AAK1: variants seen among roughly 807,000 people sequenced by gnomAD.
The protein encoded by AAK1 is AP2-associated protein kinase 1.
AAK1 carries 37 observed loss-of-function variants against 116.0 expected under a neutral mutation model. That is an observed-to-expected ratio of 0.32 (90% confidence interval 0.25 to 0.42). The LOEUF is 0.42. Among genes scored for constraint, AAK1 ranks in the 10% least tolerant of loss-of-function variants. AAK1 has a pLI of 1.00. For missense variants in AAK1, 919 were observed against 1,170.6 expected (o/e 0.79, Z 3.14); for synonymous variants, 458 against 439.9 (o/e 1.04, Z -0.51).
intron 16 of AAK1, among the ~76,000 whole-genome samples, chr2:69,502,245 A>G (rs948287388): frequency 6.6e-6 from 1 of 152,244 alleles, no homozygotes; most frequent in Admixed American, 6.5e-5. Flanking sequence ...AATATGTGAC[A>G]TATGAAGAAT....
At chr2:69,621,635 G>A (rs1454173966) in intron 2 of AAK1, among the ~76,000 whole-genome samples, 2 of 152,156 alleles carry the variant, frequency 1.3e-5, no homozygotes, top group East Asian at 3.9e-4. Context: ...GTTTTGGGGT[G>A]GTTTGTTATA....
chr2:69,479,647 C>A (rs1318806537), intron 19 of AAK1, among the ~76,000 whole-genome samples: 1 of 152,188 alleles, frequency 6.6e-6, no homozygotes, highest in Admixed American at 6.5e-5. Flanking sequence ...ACAGTACCTT[C>A]TAGAACTCAA....
At chr2:69,641,511 G>A (rs903062638) in intron 2 of AAK1, among the ~76,000 whole-genome samples, 4 of 152,186 alleles carry the variant, frequency 2.6e-5, no homozygotes, top group African/African-American at 9.7e-5. Context: ...TACTGAGATT[G>A]GAAGAGCAAT....
chr2:69,572,957 G>C (rs558729543), intron 2 of AAK1, among the ~76,000 whole-genome samples: 1 of 152,314 alleles, frequency 6.6e-6, no homozygotes, highest in Non-Finnish European at 1.5e-5. Flanking sequence ...GTAAGCTCCA[G>C]GGATGGCCGA....
At position 69,474,645 on chromosome 2, in the gene AAK1, G is replaced by A; in HGVS notation, c.*1224C>T. On this transcript the variant is annotated 3_prime_UTR_variant, in exon 22 of 22. Coordinates refer to ENST00000409085, the MANE Select transcript of AAK1 (RefSeq NM_014911.5). The stretch of plus-strand genomic sequence containing the variant: ...AAGGTAAGCTGGGCACACCCAGATT[G>A]TGTCCAGCTTGTCAGCACACTTATT... The A allele has an allele frequency of 1.0e-6, 1 of 985,664 alleles. No individual in the cohort carries two copies. The highest frequency in any genetic ancestry group is 5.2e-4 in the Middle Eastern group (1 of 1,914). 61.1% of individuals were successfully genotyped at this position (985,664 alleles called of 1,614,324 possible). A position where few individuals can be genotyped will look rare whatever the true frequency, so the allele number is the denominator to read the frequency against.
At chr2:69,622,664 T>C (rs1234049105) in intron 2 of AAK1, among the ~76,000 whole-genome samples, 1 of 151,560 alleles carries the variant, frequency 6.6e-6, no homozygotes, top group Non-Finnish European at 1.5e-5. Context: ...TGTATCTAGT[T>C]AATCTGGTGG....
intron 2 of AAK1, among the ~76,000 whole-genome samples, chr2:69,641,546 A>T (rs1437648615): frequency 6.6e-6 from 1 of 152,232 alleles, no homozygotes; most frequent in African/African-American, 2.4e-5. Flanking sequence ...ATTAACTGTC[A>T]GAGATCTTTT....
At chr2:69,576,764 T>C (rs557772251) in intron 2 of AAK1, among the ~76,000 whole-genome samples, 10 of 152,322 alleles carry the variant, frequency 6.6e-5, no homozygotes, top group African/African-American at 1.9e-4. Context: ...CATTTCCGTA[T>C]ATGCCTAGAA....
chr2:69,533,205 G>T (rs1670327838), intron 5 of AAK1, among the ~76,000 whole-genome samples: 1 of 152,154 alleles, frequency 6.6e-6, no homozygotes, highest in Non-Finnish European at 1.5e-5. Flanking sequence ...GCTCCTTAAA[G>T]ATAAGCATCT....
rs896337187 is a variant in AAK1 at position 69,462,699 on chromosome 2, A to T, written c.*13170T>A. 2 of 151,038 alleles carry T rather than the reference A, an allele frequency of 1.3e-5. No individual in the cohort carries two copies. Among genetic ancestry groups the T allele is most frequent in the Admixed American group, 6.6e-5 (1 of 15,158 alleles). The allele number at this position is 151,038 out of a possible 1,614,324, so 9.4% of individuals were successfully genotyped here. On this transcript the variant is annotated 3_prime_UTR_variant, in exon 22 of 22. Coordinates refer to ENST00000409085, the MANE Select transcript of AAK1 (RefSeq NM_014911.5). ...TTGAAAAAAAAAAAAAAAATTTCTG[A>T]GTTGGGGTGAGAAATCTCCCTGAGT... is the stretch of plus-strand genomic sequence containing the variant.
intron 16 of AAK1, among the ~76,000 whole-genome samples, chr2:69,498,015 C>G (rs1675817675): frequency 6.7e-6 from 1 of 148,496 alleles, no homozygotes; most frequent in Non-Finnish European, 1.5e-5. Flanking sequence ...TGTTCTCCCT[C>G]CACCCCACCC....
At chr2:69,499,948 T>C (rs1675906416) in intron 16 of AAK1, 1 of 152,244 alleles carries the variant, frequency 6.6e-6, no homozygotes, top group South Asian at 2.1e-4. Context: ...GTGTAAATTA[T>C]ACACAGGAAA....
intron 17 of AAK1, among the ~76,000 whole-genome samples, chr2:69,494,474 C>T (rs1018923440): frequency 6.6e-6 from 1 of 152,178 alleles, no homozygotes; most frequent in African/African-American, 2.4e-5. Context: ...GGCCTTCTTC[C>T]TGGCTTCTGC....
intron 21 of AAK1, 86 bp from the exon 22 acceptor site, chr2:69,476,049 C>A (rs1674845069): frequency 6.8e-7 from 1 of 1,461,278 alleles, no homozygotes; most frequent in Non-Finnish European, 9.1e-7. Flanking sequence ...AAAAACCAAA[C>A]CAAAACCAAA....
In AAK1 at chr2:69,525,230, G is replaced by A. The variant is rs1378476409; in HGVS notation, c.976-118C>T. 14 of 1,000,866 alleles carry A rather than the reference G, an allele frequency of 1.4e-5. No individual in the cohort carries two copies. The East Asian group carries it at 3.6e-4, about 26-fold the overall frequency. The allele number at this position is 1,000,866 out of a possible 1,614,324, so 62.0% of individuals were successfully genotyped here. The stretch of plus-strand genomic sequence containing the variant: ...TGGAAACACATTTTGGGATCTTCTG[G>A]AGCAGCTTCCAGGCCCTGAGCTCTG... On this transcript the variant is annotated intron_variant, in intron 9 of 21. Coordinates refer to ENST00000409085, the MANE Select transcript of AAK1 (RefSeq NM_014911.5).
chr2:69,605,091 CA>C (rs1433848903), intron 2 of AAK1, among the ~76,000 whole-genome samples: 3 of 152,216 alleles, frequency 2.0e-5, no homozygotes, highest in African/African-American at 7.2e-5. Flanking sequence ...ATGTGCCACA[CA>C]AACTCCCACT....
In AAK1 at chr2:69,460,490, T is replaced by C. The variant is rs758244813; in HGVS notation, c.*15379A>G. On this transcript the variant is annotated 3_prime_UTR_variant, in exon 22 of 22. Coordinates refer to ENST00000409085, the MANE Select transcript of AAK1 (RefSeq NM_014911.5). ...AAGCAGTTGAAAACACTGATGTACA[T>C]GTATTCTAAAACTTACTAAATAATG... 16 of 152,598 alleles carry C rather than the reference T, an allele frequency of 1.0e-4. No individual in the cohort carries two copies. Among genetic ancestry groups the C allele is most frequent in the Middle Eastern group, 3.4e-3 (1 of 294 alleles). 9.5% of individuals were successfully genotyped at this position (152,598 alleles called of 1,614,324 possible). A position where few individuals can be genotyped will look rare whatever the true frequency, so the allele number is the denominator to read the frequency against.
At position 69,467,576 on chromosome 2, in the gene AAK1, A is replaced by G; in HGVS notation, c.*8293T>C. The G allele has an allele frequency of 1.0e-6, 1 of 985,448 alleles. No individual in the cohort carries two copies. The highest frequency in any genetic ancestry group is 1.2e-6 in the Non-Finnish European group (1 of 829,936). 61.0% of individuals were successfully genotyped at this position (985,448 alleles called of 1,614,324 possible). On this transcript the variant is annotated 3_prime_UTR_variant, in exon 22 of 22. Coordinates refer to ENST00000409085, the MANE Select transcript of AAK1 (RefSeq NM_014911.5). Reference sequence around the variant, plus strand: ...GGGCTCAGTAAAGAGATACTACTGGAGTTTCCCAACCCACCAGGATAAGAA... The same window carrying G: ...GGGCTCAGTAAAGAGATACTACTGGGGTTTCCCAACCCACCAGGATAAGAA...
chr2:69,494,762 T>C (rs1343550827), intron 17 of AAK1, among the ~76,000 whole-genome samples: 1 of 152,230 alleles, frequency 6.6e-6, no homozygotes, highest in African/African-American at 2.4e-5. Flanking sequence ...TATTGAATCA[T>C]TCCTTAGTGG....
Sources: allele counts gnomAD v4.1 joint callset (sites outside exome capture counted in the v4.1 genomes callset), GRCh38; gene constraint gnomAD v4.1.1; transcripts MANE v1.5; gene names NCBI Gene and HGNC (gene_info 2026-07-23, HGNC 2026-07-21).